The following ZNF254 variants were observed in gnomAD, a reference collection of about 807,000 sequenced individuals.
ZNF254 encodes the protein zinc finger protein 254.
A neutral mutation model predicts 12.4 loss-of-function variants in ZNF254; 10 were observed. The observed-to-expected ratio is 0.80, with a 90% CI of 0.50 to 1.36. The LOEUF is 1.36. Ranked by LOEUF, ZNF254 falls within the 40% of genes most tolerant of loss-of-function variation. The pLI is 0.00. For synonymous variants in ZNF254, 305 were observed against 253.4 expected, an observed-to-expected ratio of 1.20 and a Z score of -1.93; for missense variants, 996 against 763.9, an observed-to-expected ratio of 1.30 and a Z score of -3.58.
intron 2 of ZNF254, among the ~76,000 whole-genome samples, chr19:24,076,994 A>G (rs1314028248): frequency 2.6e-5 from 4 of 152,194 alleles, no homozygotes; most frequent in African/African-American, 9.6e-5. Context: ...TAGTGAATAG[A>G]TGACAGACAG....
chr19:24,119,790 A>T (rs1031139559), intron 3 of ZNF254, among the ~76,000 whole-genome samples: 3 of 152,014 alleles, frequency 2.0e-5, no homozygotes, highest in Admixed American at 1.3e-4. Flanking sequence ...AAGTAGTTTA[A>T]TTAATTTATA....
intron 3 of ZNF254, among the ~76,000 whole-genome samples, chr19:24,110,798 C>T (rs1973624767): frequency 6.6e-6 from 1 of 151,840 alleles, no homozygotes; most frequent in African/African-American, 2.4e-5. Context: ...CATTTCATTA[C>T]TGGTTTATTT....
At chr19:24,044,885 A>C (rs533568644) in intron 1 of ZNF254, among the ~76,000 whole-genome samples, 1 of 152,298 alleles carries the variant, frequency 6.6e-6, no homozygotes, top group Admixed American at 6.5e-5. Flanking sequence ...CTGGAGGAGT[A>C]AAAATACCTG....
intron 2 of ZNF254, chr19:24,048,819 C>T (rs1232988276): frequency 1.3e-5 from 2 of 152,150 alleles, no homozygotes; most frequent in Non-Finnish European, 2.9e-5. Context: ...GCCTCGACCT[C>T]CCTGGGCTCA....
chr19:24,113,823 C>G (rs1191126348), intron 3 of ZNF254, among the ~76,000 whole-genome samples: 1 of 152,166 alleles, frequency 6.6e-6, no homozygotes, highest in African/African-American at 2.4e-5. Flanking sequence ...AGCTGATAAG[C>G]AACTTCAGCA....
At chr19:24,115,245 T>A (rs557833128) in intron 3 of ZNF254, among the ~76,000 whole-genome samples, 61 of 150,816 alleles carry the variant, frequency 4.0e-4, no homozygotes, top group East Asian at 2.3e-3. Context: ...TTGTGGCAGT[T>A]TTCACAATAG....
chr19:24,100,601 C>T (rs1972957468), intron 1 of ZNF254, among the ~76,000 whole-genome samples: 5 of 151,868 alleles, frequency 3.3e-5, no homozygotes, highest in Admixed American at 3.3e-4. Context: ...ATACCCTTAC[C>T]CTTAATGTAC....
At chr19:24,048,699 G>T (rs1568425979) in intron 2 of ZNF254, among the ~76,000 whole-genome samples, 1 of 151,164 alleles carries the variant, frequency 6.6e-6, no homozygotes, top group South Asian at 2.1e-4. Context: ...TGTTTTTTGG[G>T]TTTTTTTTCC....
At chr19:24,082,150 C>T (rs917178152) in intron 2 of ZNF254, among the ~76,000 whole-genome samples, 6 of 151,508 alleles carry the variant, frequency 4.0e-5, no homozygotes, top group Admixed American at 6.6e-5. Context: ...AAGATAATAT[C>T]GAGTCTCGCA....
intron 1 of ZNF254, among the ~76,000 whole-genome samples, chr19:24,098,128 A>G (rs1035705340): frequency 1.3e-5 from 2 of 152,230 alleles, no homozygotes; most frequent in African/African-American, 4.8e-5. Flanking sequence ...ATACATTATG[A>G]GTAGTACATT....
At chr19:24,106,379 A>G (rs545846898) in intron 2 of ZNF254, 169 bp from the exon 3 acceptor site, 1 of 558,336 alleles carries the variant, frequency 1.8e-6, no homozygotes. Context: ...GAAATTAAGA[A>G]CCTAAAAAAT....
At chr19:24,058,663 C>T (rs1970955861) in intron 2 of ZNF254, among the ~76,000 whole-genome samples, 1 of 152,094 alleles carries the variant, frequency 6.6e-6, no homozygotes, top group South Asian at 2.1e-4. Flanking sequence ...CTGCCTTGGC[C>T]TCCCAAAGTG....
intron 2 of ZNF254, among the ~76,000 whole-genome samples, chr19:24,050,182 C>T (rs963973373): frequency 6.6e-6 from 1 of 151,952 alleles, no homozygotes; most frequent in African/African-American, 2.4e-5. Flanking sequence ...ATTTTTGAGA[C>T]AGAATCTCAC....
chr19:24,113,525 T>C (rs1057140895), intron 3 of ZNF254, among the ~76,000 whole-genome samples: 3 of 152,146 alleles, frequency 2.0e-5, no homozygotes, highest in African/African-American at 7.2e-5. Flanking sequence ...GGTATTGATG[T>C]GACGTATCTC....
chr19:24,055,706 A>G (rs1970827218), intron 2 of ZNF254, among the ~76,000 whole-genome samples: 1 of 152,192 alleles, frequency 6.6e-6, no homozygotes, highest in Non-Finnish European at 1.5e-5. Flanking sequence ...ATTGACTCTT[A>G]TATATGGATC....
chr19:24,100,388 GA>G (rs200215068), intron 1 of ZNF254, among the ~76,000 whole-genome samples: 4,247 of 84,950 alleles, frequency 0.05, 127 homozygotes, highest in African/African-American at 0.13. Context: ...CTTGAAATTT[GA>G]AAAAAAAAAA....
At chr19:24,047,843 A>G (rs950311370) in intron 2 of ZNF254, among the ~76,000 whole-genome samples, 3 of 150,028 alleles carry the variant, frequency 2.0e-5, no homozygotes, top group African/African-American at 7.3e-5. Context: ...ATGTGCCGCC[A>G]CGCCCAGGTA....
intron 3 of ZNF254, among the ~76,000 whole-genome samples, chr19:24,113,788 A>G (rs1224035295): frequency 6.6e-6 from 1 of 152,198 alleles, no homozygotes; most frequent in African/African-American, 2.4e-5. Flanking sequence ...AGAAAACCCC[A>G]TTGTCTCAAC....
intron 3 of ZNF254, among the ~76,000 whole-genome samples, chr19:24,121,211 C>G (rs1307742548): frequency 6.6e-6 from 1 of 151,976 alleles, no homozygotes; most frequent in Admixed American, 6.6e-5. Context: ...GGGAAATTCT[C>G]ACCTTTTATC....
Sources: allele counts gnomAD v4.1 joint callset (sites outside exome capture counted in the v4.1 genomes callset), GRCh38; gene constraint gnomAD v4.1.1; transcripts MANE v1.5; gene names NCBI Gene and HGNC (gene_info 2026-07-23, HGNC 2026-07-21).